The following XXYLT1 variants were observed in gnomAD, a reference collection of about 807,000 sequenced individuals.
XXYLT1 encodes UDP-xylose:alpha-xyloside alpha-1,3-xylosyltransferase.
XXYLT1 carries 20 observed loss-of-function variants against 28.9 expected under a neutral mutation model. The ratio of observed to expected loss-of-function variants is 0.69; its 90% CI spans 0.49 to 1.00. The LOEUF (loss-of-function observed/expected upper bound fraction) is 1.00. Among genes scored for constraint, XXYLT1 ranks in the 50% least tolerant of loss-of-function variants. The pLI is 0.00. For synonymous variants in XXYLT1, 257 were observed against 253.8 expected (o/e 1.01, Z -0.12); for missense variants, 542 against 560.1 (o/e 0.97, Z 0.33).
chr3:195,259,104 G>A (rs1414375549), intron 1 of XXYLT1, among the ~76,000 whole-genome samples: 1 of 152,176 alleles, frequency 6.6e-6, no homozygotes, highest in Non-Finnish European at 1.5e-5. Context: ...CTGTTATCCC[G>A]GCAGCACAGC....
chr3:195,156,436 A>G lies in XXYLT1; in HGVS notation c.785+13T>C. 5 of 1,612,822 alleles carry G rather than the reference A, an allele frequency of 3.1e-6. No homozygotes were observed. Among genetic ancestry groups the G allele is most frequent in the East Asian group, 2.2e-5 (1 of 44,878 alleles). ...GGGGTCGTGGAGGCGGCCCCCCTGC[A>G]GTCATGACGCACCTGTAAACTGGCT... On this transcript the variant is annotated intron_variant, in intron 3 of 3. Coordinates refer to ENST00000310380, the MANE Select transcript of XXYLT1 (RefSeq NM_152531.5).
intron 1 of XXYLT1, among the ~76,000 whole-genome samples, chr3:195,252,621 T>C (rs1725300237): frequency 1.3e-5 from 2 of 150,236 alleles, no homozygotes; most frequent in Non-Finnish European, 3.0e-5. Flanking sequence ...CAGGACCACA[T>C]AGGACTGGGA....
At chr3:195,098,456 G>A (rs1382846123) in intron 3 of XXYLT1, among the ~76,000 whole-genome samples, 1 of 152,242 alleles carries the variant, frequency 6.6e-6, no homozygotes, top group African/African-American at 2.4e-5. Context: ...GGGAGGCTGA[G>A]GCAGGAGAAT....
chr3:195,080,957 ATGT>A (rs1378688786), intron 3 of XXYLT1, among the ~76,000 whole-genome samples: 1 of 152,162 alleles, frequency 6.6e-6, no homozygotes, highest in African/African-American at 2.4e-5. Flanking sequence ...CTCCCATTCC[ATGT>A]AAGGGCCCCC....
At chr3:195,100,113 G>A (rs772997342) in intron 3 of XXYLT1, among the ~76,000 whole-genome samples, 5 of 152,114 alleles carry the variant, frequency 3.3e-5, no homozygotes, top group Non-Finnish European at 5.9e-5. Context: ...AAAGCTGTCT[G>A]AGATCCTGCA....
intron 2 of XXYLT1, among the ~76,000 whole-genome samples, chr3:195,166,423 C>A (rs886502567): frequency 1.3e-5 from 2 of 151,996 alleles, no homozygotes; most frequent in Non-Finnish European, 2.9e-5. Flanking sequence ...AATATTTCAG[C>A]GTGCACTTCC....
intron 2 of XXYLT1, among the ~76,000 whole-genome samples, chr3:195,190,602 T>A (rs1722382265): frequency 6.6e-6 from 1 of 151,004 alleles, no homozygotes; most frequent in South Asian, 2.1e-4. Flanking sequence ...GCACCAAAAA[T>A]TTTAAATATA....
intron 3 of XXYLT1, among the ~76,000 whole-genome samples, chr3:195,112,448 C>A (rs551357369): frequency 5.9e-4 from 85 of 144,772 alleles, no homozygotes; most frequent in African/African-American, 2.0e-3. Context: ...GCACGCACAC[C>A]CACACGCATG....
chr3:195,117,608 G>A (rs139239292), intron 3 of XXYLT1, among the ~76,000 whole-genome samples: 2 of 149,104 alleles, frequency 1.3e-5, no homozygotes, highest in Non-Finnish European at 3.0e-5. Flanking sequence ...AGTAGGGGTC[G>A]GGGTAGCGTG....
intron 2 of XXYLT1, among the ~76,000 whole-genome samples, chr3:195,201,827 G>A (rs1722860629): frequency 6.6e-6 from 1 of 152,164 alleles, no homozygotes; most frequent in Non-Finnish European, 1.5e-5. Flanking sequence ...TTGGGACTTA[G>A]CTGCTCCTCT....
intron 2 of XXYLT1, among the ~76,000 whole-genome samples, chr3:195,158,987 A>G (rs73206659): frequency 0.017 from 2,643 of 152,332 alleles, 32 homozygotes; most frequent in Non-Finnish European, 0.028. Context: ...GGACAAAATG[A>G]GACTGATCCA....
In XXYLT1 at chr3:195,257,886, C is replaced by T. The variant is rs1469891843; in HGVS notation, c.504+12669G>A. 6.6e-6 allele frequency among the ~76,000 whole-genome samples: 1 copy of T among 152,098 alleles called. No homozygotes were observed. Among genetic ancestry groups the T allele is most frequent in the Non-Finnish European group, 1.5e-5 (1 of 68,004 alleles). On this transcript the variant is annotated intron_variant, in intron 1 of 3. Coordinates refer to ENST00000310380, the MANE Select transcript of XXYLT1 (RefSeq NM_152531.5). The surrounding 1 kb of genome is among the most constrained non-coding windows in gnomAD (Gnocchi z 4.3). Reference sequence around the variant, plus strand: ...CCACGTATCATGGGTGTATATCCTCCAAGCTCCCTGCCCCCCAGCCAGCCT... The same window carrying T: ...CCACGTATCATGGGTGTATATCCTCTAAGCTCCCTGCCCCCCAGCCAGCCT...
intron 3 of XXYLT1, among the ~76,000 whole-genome samples, chr3:195,135,147 CTG>C (rs1389731676): frequency 6.6e-6 from 1 of 152,200 alleles, no homozygotes; most frequent in African/African-American, 2.4e-5. Context: ...CACGTCCCCA[CTG>C]TGGGAGGTGA....
intron 2 of XXYLT1, among the ~76,000 whole-genome samples, chr3:195,193,843 A>C (rs1353382909): frequency 1.3e-5 from 2 of 152,202 alleles, no homozygotes; most frequent in Non-Finnish European, 2.9e-5. Flanking sequence ...CAAATGCAAA[A>C]AAATTAATAA....
chr3:195,265,985 G>A (rs1352473060), intron 1 of XXYLT1, among the ~76,000 whole-genome samples: 1 of 152,212 alleles, frequency 6.6e-6, no homozygotes, highest in Non-Finnish European at 1.5e-5. Context: ...GATCTGGCAG[G>A]AAAGGCACAT....
chr3:195,236,391 G>A (rs1724549372), intron 1 of XXYLT1, among the ~76,000 whole-genome samples: 2 of 152,098 alleles, frequency 1.3e-5, no homozygotes, highest in African/African-American at 4.8e-5. Flanking sequence ...ACAGGCCCAT[G>A]GGGAGTGCTG....
intron 3 of XXYLT1, among the ~76,000 whole-genome samples, chr3:195,127,780 G>GTGTGTGTGTA (rs1718712075): frequency 6.6e-6 from 1 of 152,126 alleles, no homozygotes; most frequent in Non-Finnish European, 1.5e-5. Flanking sequence ...AAATGTGTGT[G>GTGTGTGTGTA]TGTGTGTAAT....
chr3:195,199,041 T>C (rs1722742621), intron 2 of XXYLT1, among the ~76,000 whole-genome samples: 1 of 152,236 alleles, frequency 6.6e-6, no homozygotes, highest in South Asian at 2.1e-4. Context: ...AAACAAATTT[T>C]GATCAACTGC....
At chr3:195,189,832 T>C (rs1722345757) in intron 2 of XXYLT1, among the ~76,000 whole-genome samples, 1 of 152,146 alleles carries the variant, frequency 6.6e-6, no homozygotes, top group Non-Finnish European at 1.5e-5. Flanking sequence ...TGTAAAACAT[T>C]AATCTGCACA....
Sources: allele counts gnomAD v4.1 joint callset (sites outside exome capture counted in the v4.1 genomes callset), GRCh38; gene constraint gnomAD v4.1.1; non-coding constraint Gnocchi (gnomAD v3.1); transcripts MANE v1.5; gene names NCBI Gene and HGNC (gene_info 2026-07-23, HGNC 2026-07-21).